Variants in SPTB observed in about 807,000 individuals in gnomAD.
The protein encoded by SPTB is spectrin beta, erythrocytic.
SPTB carries 45 observed loss-of-function variants against 256.2 expected under a neutral mutation model. The ratio of observed to expected loss-of-function variants is 0.18; its 90% CI spans 0.14 to 0.23. SPTB has a LOEUF of 0.23. Ranked by LOEUF, SPTB falls within the 10% of genes least tolerant of loss-of-function variation. SPTB has a pLI of 1.00. For missense variants in SPTB, 2,715 were observed against 3,040.4 expected, an observed-to-expected ratio of 0.89 and a Z score of 2.52; for synonymous variants, 1,231 against 1,243.1, an observed-to-expected ratio of 0.99 and a Z score of 0.21.
At chr14:64,822,587 A>T in intron 2 of SPTB, among the ~76,000 whole-genome samples, 1 of 152,012 alleles carries the variant, frequency 6.6e-6, no homozygotes, top group Non-Finnish European at 1.5e-5. Context: ...CCCAGGCAGG[A>T]AATCGGGGTT....
rs1442418200 is a variant in SPTB at position 64,802,041 on chromosome 14, A to G, written c.566+185T>C. ...CAGACCCCCCAGTCTGCCTGCAGGCAACTTTGGAAAAGAATCCTGTATTCC... is the reference window on the plus strand; with the variant it reads ...CAGACCCCCCAGTCTGCCTGCAGGCGACTTTGGAAAAGAATCCTGTATTCC... On this transcript the variant is annotated intron_variant, in intron 5 of 35. Coordinates refer to ENST00000644917, the MANE Select transcript of SPTB (RefSeq NM_001355436.2). This position sits in a 1 kb window ranked among gnomAD's most constrained non-coding sequence, Gnocchi z 5.1. 1.3e-5 allele frequency among the ~76,000 whole-genome samples: 2 copies of G among 152,218 alleles called. No homozygotes were observed. The highest frequency in any genetic ancestry group is 4.8e-5 in the African/African-American group (2 of 41,456).
At chr14:64,781,147 C>T (rs2082463582) in intron 20 of SPTB, among the ~76,000 whole-genome samples, 1 of 152,124 alleles carries the variant, frequency 6.6e-6, no homozygotes, top group African/African-American at 2.4e-5. Context: ...GCAATATCAT[C>T]CTGGACATAG....
Position 64,749,069 on chromosome 14 carries a change from A to T in SPTB, c.*237T>A, listed in dbSNP as rs925702440. 3 of 448,692 alleles carry T rather than the reference A, an allele frequency of 6.7e-6. No homozygotes were observed. The highest frequency in any genetic ancestry group is 1.2e-5 in the Non-Finnish European group (3 of 252,222). 27.8% of individuals were successfully genotyped at this position (448,692 alleles called of 1,614,324 possible). A position where few individuals can be genotyped will look rare whatever the true frequency, so the allele number is the denominator to read the frequency against. The stretch of plus-strand genomic sequence containing the variant: ...GGCCTGGAGGCCCCAAAGGCGCCAG[A>T]GGAGCTGGGAGCCCCTGTCCCTGGA... On this transcript the variant is annotated 3_prime_UTR_variant, in exon 36 of 36. Coordinates refer to ENST00000644917, the MANE Select transcript of SPTB (RefSeq NM_001355436.2). The surrounding 1 kb of genome is among the most constrained non-coding windows in gnomAD (Gnocchi z 4.7).
chr14:64,829,768 C>CAT (rs1201537630), intron 1 of SPTB, among the ~76,000 whole-genome samples: 1 of 152,198 alleles, frequency 6.6e-6, no homozygotes, highest in African/African-American at 2.4e-5. Flanking sequence ...AAAATACAGT[C>CAT]ATATGCCTTA....
At chr14:64,840,987 G>A (rs72625637) in intron 1 of SPTB, among the ~76,000 whole-genome samples, 9,370 of 152,158 alleles carry the variant, frequency 0.062, 348 homozygotes, top group Middle Eastern at 0.1. Context: ...ATTTCTTATC[G>A]GCACAGCTGG....
intron 22 of SPTB, among the ~76,000 whole-genome samples, chr14:64,776,533 C>A (rs545732723): frequency 4.2e-4 from 64 of 152,246 alleles, no homozygotes; most frequent in Non-Finnish European, 7.1e-4. Flanking sequence ...CTCAACTTCC[C>A]AGGCTCAGAT....
In SPTB at chr14:64,778,001, G is replaced by T. The variant is rs1446612581; in HGVS notation, c.4563+1156C>A. Among the ~76,000 whole-genome samples, 1 of 152,168 alleles carries T rather than the reference G, an allele frequency of 6.6e-6. No individual in the cohort carries two copies. Among genetic ancestry groups the T allele is most frequent in the Admixed American group, 6.5e-5 (1 of 15,288 alleles). ...CCTAGTGTTGGAAAGACTAGAGTTGGCTCATTTTACAATTAAGGAAACTGA... is the reference window on the plus strand; with the variant it reads ...CCTAGTGTTGGAAAGACTAGAGTTGTCTCATTTTACAATTAAGGAAACTGA... On this transcript the variant is annotated intron_variant, in intron 22 of 35. Coordinates refer to ENST00000644917, the MANE Select transcript of SPTB (RefSeq NM_001355436.2). The surrounding 1 kb of genome is among the most constrained non-coding windows in gnomAD (Gnocchi z 5.2).
chr14:64,830,384 A>G (rs1464159455), intron 1 of SPTB, among the ~76,000 whole-genome samples: 1 of 143,872 alleles, frequency 7.0e-6, no homozygotes, highest in Non-Finnish European at 1.5e-5. Flanking sequence ...TTATTATTTT[A>G]TTTTATTTTT....
intron 18 of SPTB, among the ~76,000 whole-genome samples, chr14:64,784,738 CT>C (rs1273590722): frequency 6.6e-6 from 1 of 152,192 alleles, no homozygotes; most frequent in Non-Finnish European, 1.5e-5. Context: ...TAAATCCGTC[CT>C]TTGGCCGTAG....
rs1362482907 is a variant in SPTB, at chr14:64,779,494, A to AC, written c.4473+230dup. ...TGGATCTCGAACCCAAGTCTGTCTGACCCAAGTCCATGCTCTTCACCGAGC... is the reference window on the plus strand; with the variant it reads ...TGGATCTCGAACCCAAGTCTGTCTGACCCCAAGTCCATGCTCTTCACCGAGC... On this transcript the variant is annotated intron_variant, in intron 21 of 35. Coordinates refer to ENST00000644917, the MANE Select transcript of SPTB (RefSeq NM_001355436.2). The surrounding 1 kb of genome is among the most constrained non-coding windows in gnomAD (Gnocchi z 4.2). 6.6e-6 allele frequency among the ~76,000 whole-genome samples: 1 copy of AC among 152,092 alleles called. No homozygotes were observed. The highest frequency in any genetic ancestry group is 2.1e-4 in the South Asian group (1 of 4,816).
At position 64,779,634 on chromosome 14, in the gene SPTB, T is replaced by G; in HGVS notation, c.4473+91A>C. 1 of 1,403,326 alleles carries G rather than the reference T, an allele frequency of 7.1e-7. No individual in the cohort carries two copies. The highest frequency in any genetic ancestry group is 1.2e-5 in the South Asian group (1 of 86,598). 86.9% of individuals were successfully genotyped at this position (1,403,326 alleles called of 1,614,324 possible). A position where few individuals can be genotyped will look rare whatever the true frequency, so the allele number is the denominator to read the frequency against. ...AGGGGTGAGGTGACCAGTCATCTAC[T>G]GCCAAAAATTGCTCTGGGTGGCAGC... On this transcript the variant is annotated intron_variant, in intron 21 of 35. Coordinates refer to ENST00000644917, the MANE Select transcript of SPTB (RefSeq NM_001355436.2). This position sits in a 1 kb window ranked among gnomAD's most constrained non-coding sequence, Gnocchi z 4.2.
rs373343544 is a variant in SPTB, at chr14:64,801,252, C to T, written c.763+33G>A. 32 of 1,570,792 alleles carry T rather than the reference C, an allele frequency of 2.0e-5. No individual in the cohort carries two copies. The African/African-American group carries it at 4.3e-4, about 21-fold the overall frequency. On this transcript the variant is annotated intron_variant, in intron 7 of 35. Transcript: ENST00000644917. ...ACAGCGAGTGCATCCCCCACTGCTG[C>T]AGCAAAGGCTGGCAGGGGTGGGTGT...
intron 2 of SPTB, among the ~76,000 whole-genome samples, chr14:64,812,408 T>C (rs2139666173): frequency 6.6e-6 from 1 of 152,270 alleles, no homozygotes; most frequent in South Asian, 2.1e-4. Flanking sequence ...AGAGCAAGGC[T>C]GATGGCAGGA....
intron 14 of SPTB, 24 bp from the exon 15 acceptor site, chr14:64,791,880 G>A: frequency 6.2e-7 from 1 of 1,614,020 alleles, no homozygotes; most frequent in South Asian, 1.1e-5. Flanking sequence ...AGGAAAATAT[G>A]AGGATGGGTG....
At chr14:64,750,962 ACAT>A (rs1453789331) in intron 33 of SPTB, among the ~76,000 whole-genome samples, 115 of 145,442 alleles carry the variant, frequency 7.9e-4, no homozygotes, top group African/African-American at 2.6e-3. Context: ...CATATTTTAT[ACAT>A]CATATAATGT....
In SPTB at chr14:64,793,633, C is replaced by A; in HGVS notation, c.2030G>T (p.Arg677Leu). 6.2e-7 allele frequency: 1 copy of A among 1,614,164 alleles called. No homozygotes were observed. The highest frequency in any genetic ancestry group is 8.5e-7 in the Non-Finnish European group (1 of 1,180,050). ...CTCATCCTCAAAGGCCTTGTGCTTG[C>A]GCTGTAAGATGAGCACACTGGTCAG... ...KDLTSVLILQ[R>L]KHKAFEDELR... Residue 677 changes from arginine (R) to leucine (L), a missense_variant, in exon 14 of 36, where the codon CGC becomes CTC. By Grantham distance (102) the Arg-to-Leu change is moderately radical. Transcript: ENST00000644917. The surrounding 1 kb of genome is among the most constrained non-coding windows in gnomAD (Gnocchi z 7.0).
chr14:64,760,728 CATT>C lies in SPTB; in HGVS notation c.6345+5995_6345+5997del, dbSNP rs2082081120. On this transcript the variant is annotated intron_variant, in intron 32 of 35. Transcript: ENST00000644917. The surrounding 1 kb of genome is among the most constrained non-coding windows in gnomAD (Gnocchi z 4.3). ...TACTCAGTGCCAGCTGCTCTACCTA[CATT>C]GTCTCTTCCAATCCTCCCAGCCTCT... 6.6e-6 allele frequency among the ~76,000 whole-genome samples: 1 copy of C among 152,220 alleles called. No individual in the cohort carries two copies. Among genetic ancestry groups the C allele is most frequent in the Non-Finnish European group, 1.5e-5 (1 of 68,040 alleles).
At position 64,778,289 on chromosome 14, in the gene SPTB, G is replaced by A. The variant is rs2269307; in HGVS notation, c.4563+868C>T. Among the ~76,000 whole-genome samples the A allele has an allele frequency of 0.059, 9,058 of 152,294 alleles. 326 individuals are homozygous for A. The highest frequency in any genetic ancestry group is 0.09 in the Non-Finnish European group (6,113 of 68,010). On this transcript the variant is annotated intron_variant, in intron 22 of 35. Coordinates refer to ENST00000644917, the MANE Select transcript of SPTB (RefSeq NM_001355436.2). The surrounding 1 kb of genome is among the most constrained non-coding windows in gnomAD (Gnocchi z 5.2). ...GTCAGCTGCTGCCAAGCTGGGGGAA[G>A]GGAGTGCTGTCTGCCATGACCTTCC...
At chr14:64,855,213 C>T (rs958577328) in intron 1 of SPTB, among the ~76,000 whole-genome samples, 3 of 152,090 alleles carry the variant, frequency 2.0e-5, no homozygotes, top group Admixed American at 6.5e-5. Flanking sequence ...AAAAACAGAA[C>T]GAAAGGGAAG....
Sources: gnomAD v4.1 joint callset for allele counts (sites outside exome capture counted in the v4.1 genomes callset) on GRCh38, gnomAD v4.1.1 for gene constraint, Gnocchi (gnomAD v3.1) non-coding constraint, MANE v1.5 for transcripts, NCBI Gene and HGNC (gene_info 2026-07-23, HGNC 2026-07-21) for gene names.